TRPM3: variants seen among roughly 807,000 people sequenced by gnomAD.
The protein encoded by TRPM3 is transient receptor potential cation channel subfamily M member 3.
Under a neutral mutation model 181.2 loss-of-function variants are expected in TRPM3, and 77 were observed. The ratio of observed to expected loss-of-function variants is 0.42; its 90% CI spans 0.35 to 0.51. The LOEUF is 0.51. Ranked by LOEUF, TRPM3 falls within the 20% of genes least tolerant of loss-of-function variation. The pLI is 0.01. For missense variants in TRPM3, 1,759 were observed against 2,196.7 expected, an observed-to-expected ratio of 0.80 and a Z score of 3.98; for synonymous variants, 745 against 796.4, an observed-to-expected ratio of 0.94 and a Z score of 1.09.
At chr9:71,267,572 T>C (rs1588202671) in intron 1 of TRPM3, among the ~76,000 whole-genome samples, 1 of 103,052 alleles carries the variant, frequency 9.7e-6, no homozygotes, top group South Asian at 2.8e-4. Context: ...CAGACTCTAC[T>C]TATCTCTGTC....
intron 9 of TRPM3, among the ~76,000 whole-genome samples, chr9:70,671,588 G>A (rs2062945007): frequency 6.6e-6 from 1 of 152,014 alleles, no homozygotes; most frequent in Non-Finnish European, 1.5e-5. Context: ...ATATATTTAG[G>A]TTTACTTGAA....
At chr9:70,639,580 C>T (rs1340535604) in intron 10 of TRPM3, among the ~76,000 whole-genome samples, 1 of 152,130 alleles carries the variant, frequency 6.6e-6, no homozygotes, top group African/African-American at 2.4e-5. Flanking sequence ...TATCCTTAGG[C>T]TCTGAGGGAG....
In TRPM3 at chr9:71,069,529, G is replaced by A. The variant is rs536196458; in HGVS notation, c.177+51649C>T. Among the ~76,000 whole-genome samples, 6 of 151,996 alleles carry A rather than the reference G, an allele frequency of 3.9e-5. No individual in the cohort carries two copies. The South Asian group carries it at 1.0e-3, about 26-fold the overall frequency. On this transcript the variant is annotated intron_variant, in intron 1 of 25. Coordinates refer to ENST00000677713, the MANE Select transcript of TRPM3 (RefSeq NM_001366145.2). ...AGTGCAAAAAGAAATGAATACAAAC[G>A]GTTACTATGGGGGTGGCATGACGGG...
At chr9:70,564,178 C>A (rs1031203277) in intron 22 of TRPM3, among the ~76,000 whole-genome samples, 2 of 152,154 alleles carry the variant, frequency 1.3e-5, no homozygotes, top group African/African-American at 4.8e-5. Context: ...ATCATTACAC[C>A]TTCCTTTTGA....
chr9:71,034,551 G>A (rs1490333020), intron 1 of TRPM3, among the ~76,000 whole-genome samples: 1 of 152,004 alleles, frequency 6.6e-6, no homozygotes, highest in East Asian at 1.9e-4. Context: ...TAAGGGTGGG[G>A]TGTGCAGCAG....
chr9:71,308,591 G>A lies in TRPM3; in HGVS notation c.183+138062C>T, dbSNP rs563060314. ...TTTCTTTTTGTAGGATCAGTTGGAG[G>A]TTAGGTAGGACTTGGTCTGACTCAG... On this transcript the variant is annotated intron_variant, in intron 1 of 24. Coordinates refer to the TRPM3 transcript ENST00000357533. Among the ~76,000 whole-genome samples the A allele has an allele frequency of 1.7e-4, 26 of 152,168 alleles. No homozygotes were observed. In the South Asian group the frequency reaches 4.4e-3, roughly 26 times the overall value.
At chr9:71,232,208 G>T (rs1458530584) in intron 1 of TRPM3, among the ~76,000 whole-genome samples, 1 of 152,116 alleles carries the variant, frequency 6.6e-6, no homozygotes, top group East Asian at 1.9e-4. Flanking sequence ...TTCCAATCTA[G>T]CAATGGGCTG....
intron 22 of TRPM3, among the ~76,000 whole-genome samples, chr9:70,584,557 C>T (rs2056704156): frequency 6.6e-6 from 1 of 152,204 alleles, no homozygotes. Flanking sequence ...AACCCATCCT[C>T]ATAGCTACCC....
chr9:70,819,646 A>G (rs1186878939), intron 6 of TRPM3, among the ~76,000 whole-genome samples: 12 of 152,244 alleles, frequency 7.9e-5, no homozygotes, highest in Non-Finnish European at 1.3e-4. Context: ...CACTCCATCA[A>G]TTAATATTGC....
In TRPM3 at chr9:71,236,250, T is replaced by C. The variant is rs960585442; in HGVS notation, c.183+210403A>G. ...TCCACAACTTTCCCCATGTATGGAT[T>C]GTGGTAAGTCATTTAAATTCTCTGG... is the stretch of plus-strand genomic sequence containing the variant. On this transcript the variant is annotated intron_variant, in intron 1 of 24. Transcript: ENST00000357533. Among the ~76,000 whole-genome samples the C allele has an allele frequency of 4.6e-5, 7 of 152,206 alleles. 1 individual carries two copies. The highest frequency in any genetic ancestry group is 5.9e-5 in the Non-Finnish European group (4 of 68,040).
At chr9:70,973,442 G>A (rs1460628954) in intron 1 of TRPM3, among the ~76,000 whole-genome samples, 2 of 152,110 alleles carry the variant, frequency 1.3e-5, no homozygotes. Flanking sequence ...TACCAATATA[G>A]GAAAGTTAGG....
At chr9:71,347,471 T>C (rs1314161446) in intron 1 of TRPM3, among the ~76,000 whole-genome samples, 1 of 152,248 alleles carries the variant, frequency 6.6e-6, no homozygotes, top group Non-Finnish European at 1.5e-5. Flanking sequence ...TACACTATTA[T>C]CATGCTTGAC....
intron 1 of TRPM3, among the ~76,000 whole-genome samples, chr9:71,152,078 T>G (rs1249594174): frequency 1.3e-5 from 2 of 152,166 alleles, no homozygotes; most frequent in Non-Finnish European, 2.9e-5. Context: ...TTTTAAAATC[T>G]GGACATATGT....
chr9:71,164,089 A>C (rs2076406707), intron 1 of TRPM3, among the ~76,000 whole-genome samples: 1 of 152,164 alleles, frequency 6.6e-6, no homozygotes, highest in Non-Finnish European at 1.5e-5. Flanking sequence ...CCTGGCATCC[A>C]AGGGGAGCTG....
intron 1 of TRPM3, among the ~76,000 whole-genome samples, chr9:70,942,548 G>T (rs985474082): frequency 6.6e-6 from 1 of 152,174 alleles, no homozygotes; most frequent in Admixed American, 6.5e-5. Context: ...AAGGCTTCTT[G>T]TCTTCTTTGC....
At chr9:71,079,077 G>C (rs540038130) in intron 1 of TRPM3, among the ~76,000 whole-genome samples, 10 of 152,108 alleles carry the variant, frequency 6.6e-5, no homozygotes, top group African/African-American at 2.2e-4. Context: ...TTGAATTCTT[G>C]GGGAGGCAGG....
At chr9:70,990,813 C>G (rs1044827662) in intron 1 of TRPM3, among the ~76,000 whole-genome samples, 1 of 152,130 alleles carries the variant, frequency 6.6e-6, no homozygotes, top group Admixed American at 6.5e-5. Flanking sequence ...TGCCATGTTC[C>G]AAATGGGCTT....
intron 1 of TRPM3, among the ~76,000 whole-genome samples, chr9:71,326,502 A>G (rs2089693266): frequency 1.3e-5 from 2 of 152,246 alleles, no homozygotes; most frequent in Admixed American, 1.3e-4. Flanking sequence ...CCAATAACTT[A>G]CCTGGCTGAG....
In TRPM3 at chr9:70,889,605, C is replaced by G. The variant is rs77158675; in HGVS notation, c.178-25094G>C. The stretch of plus-strand genomic sequence containing the variant: ...CCTCATGATCTTGACTTTCAGGAAT[C>G]TCCTAAGAAAATACTGGGTATCCAT... On this transcript the variant is annotated intron_variant, in intron 1 of 25. Coordinates refer to ENST00000677713, the MANE Select transcript of TRPM3 (RefSeq NM_001366145.2). Among the ~76,000 whole-genome samples, 1,309 of 152,248 alleles carry G rather than the reference C, an allele frequency of 8.6e-3. 20 individuals carry two copies. The highest frequency in any genetic ancestry group is 0.03 in the African/African-American group (1,249 of 41,542).
Sources: allele counts gnomAD v4.1 joint callset (sites outside exome capture counted in the v4.1 genomes callset), GRCh38; gene constraint gnomAD v4.1.1; transcripts MANE v1.5; gene names NCBI Gene and HGNC (gene_info 2026-07-23, HGNC 2026-07-21).